The following ADGRL2 variants were observed in gnomAD, a reference collection of about 807,000 sequenced individuals.
ADGRL2 encodes the protein calcium-independent alpha-latrotoxin receptor 2.
A neutral mutation model predicts 157.4 loss-of-function variants in ADGRL2; 44 were observed. That is an observed-to-expected ratio of 0.28 (90% CI 0.22 to 0.36). The LOEUF is 0.36. Ranked by LOEUF, ADGRL2 falls within the 10% of genes least tolerant of loss-of-function variation. The probability of loss-of-function intolerance (pLI) is 1.00; values close to 1 mark genes in which losing one functional copy is unlikely to be tolerated. For synonymous variants in ADGRL2, 585 were observed against 624.7 expected, an observed-to-expected ratio of 0.94 and a Z score of 0.95; for missense variants, 1,510 against 1,768.9, an observed-to-expected ratio of 0.85 and a Z score of 2.63.
chr1:81,760,516 T>A (rs189124532), intron 1 of ADGRL2, among the ~76,000 whole-genome samples: 16 of 152,210 alleles, frequency 1.1e-4, no homozygotes, highest in Middle Eastern at 3.4e-3. Flanking sequence ...TCTCTTTTAA[T>A]AATCAAATAT....
chr1:81,725,134 G>A (rs576375133), intron 1 of ADGRL2, among the ~76,000 whole-genome samples: 149 of 151,392 alleles, frequency 9.8e-4, no homozygotes, highest in Non-Finnish European at 1.7e-3. Context: ...GAACCCGGGA[G>A]GTGGAGGTTG....
Position 81,943,005 on chromosome 1 carries a change from A to T in ADGRL2, c.446A>T (p.Asp149Val), listed in dbSNP as rs1302713884. ...VCPGTLKAIV[D>V]SPCIYEAEQK... ...CCTGGGACCTTGAAAGCAATTGTGG[A>T]CTCACCATGTATATATGAAGCTGAA... The change falls in exon 6 of 24, where the codon GAC becomes GTC. Residue 149 changes from aspartate (D) to valine (V), a missense_variant. Physicochemically the swap from Asp to Val is radical, Grantham distance 152. Around this residue, in one of 4 missense-constraint regions of ADGRL2, gnomAD observed 361 missense variants for 498.4 expected, o/e 0.72. Transcript: ENST00000686636. The surrounding 1 kb of genome is among the most constrained non-coding windows in gnomAD (Gnocchi z 5.6). 6.2e-7 allele frequency: 1 copy of T among 1,612,754 alleles called. No individual in the cohort carries two copies. The highest frequency in any genetic ancestry group is 8.5e-7 in the Non-Finnish European group (1 of 1,179,272).
intron 3 of ADGRL2, among the ~76,000 whole-genome samples, chr1:81,681,190 T>A (rs1404231747): frequency 6.6e-6 from 1 of 152,190 alleles, no homozygotes; most frequent in South Asian, 2.1e-4. Context: ...GTGAGTCTGA[T>A]GTAATTTGGT....
intron 1 of ADGRL2, among the ~76,000 whole-genome samples, chr1:81,713,653 G>A (rs536902895): frequency 6.6e-6 from 1 of 152,138 alleles, no homozygotes; most frequent in Non-Finnish European, 1.5e-5. Flanking sequence ...ATAATACTAT[G>A]CATTTGTGTT....
chr1:81,320,920 C>T (rs1660458447), intron 1 of ADGRL2, among the ~76,000 whole-genome samples: 1 of 152,216 alleles, frequency 6.6e-6, no homozygotes. Flanking sequence ...AGCTTTGAAG[C>T]CAAGCATCGA....
intron 1 of ADGRL2, among the ~76,000 whole-genome samples, chr1:81,723,537 C>A (rs977608323): frequency 5.9e-5 from 9 of 152,242 alleles, no homozygotes; most frequent in African/African-American, 2.2e-4. Flanking sequence ...GATTATTGCT[C>A]TAATTTGAGT....
chr1:81,391,837 C>G (rs2076565046), intron 1 of ADGRL2, among the ~76,000 whole-genome samples: 1 of 152,096 alleles, frequency 6.6e-6, no homozygotes, highest in African/African-American at 2.4e-5. Flanking sequence ...TCACTCTGGT[C>G]AATGGAGTTT....
chr1:81,845,350 A>G (rs1187014986), intron 2 of ADGRL2, among the ~76,000 whole-genome samples: 1 of 152,052 alleles, frequency 6.6e-6, no homozygotes, highest in African/African-American at 2.4e-5. Flanking sequence ...TTATTTCCCG[A>G]GGATAGAATT....
intron 2 of ADGRL2, among the ~76,000 whole-genome samples, chr1:81,906,256 G>T (rs1445241694): frequency 6.6e-6 from 1 of 152,066 alleles, no homozygotes; most frequent in Non-Finnish European, 1.5e-5. Context: ...TACACCTTTA[G>T]TTTTCTCTGA....
intron 2 of ADGRL2, among the ~76,000 whole-genome samples, chr1:81,849,871 C>A (rs566610011): frequency 5.3e-4 from 80 of 151,876 alleles, no homozygotes; most frequent in Non-Finnish European, 9.7e-4. Context: ...AAGATAAATA[C>A]ATACAAATAA....
chr1:81,978,421 T>C (rs1038982359), intron 17 of ADGRL2, among the ~76,000 whole-genome samples: 5 of 151,814 alleles, frequency 3.3e-5, no homozygotes, highest in Non-Finnish European at 7.4e-5. Context: ...TAAGACATTA[T>C]TAAATTTTTT....
chr1:81,765,937 C>A (rs766144475), intron 2 of ADGRL2, among the ~76,000 whole-genome samples: 6 of 152,014 alleles, frequency 3.9e-5, no homozygotes, highest in Non-Finnish European at 8.8e-5. Flanking sequence ...TGTTAATTGG[C>A]CAACAGGTTG....
chr1:81,384,547 T>G (rs2101070945), intron 1 of ADGRL2, among the ~76,000 whole-genome samples: 1 of 152,330 alleles, frequency 6.6e-6, no homozygotes, highest in Admixed American at 6.5e-5. Flanking sequence ...AAATTTATCT[T>G]TAAAAAATGA....
At chr1:81,468,768 C>T (rs773593148) in intron 2 of ADGRL2, among the ~76,000 whole-genome samples, 59 of 152,144 alleles carry the variant, frequency 3.9e-4, no homozygotes, top group Admixed American at 3.9e-4. Flanking sequence ...TTTATGCCAA[C>T]TTTTCATCAA....
At chr1:81,637,508 A>G (rs2082137396) in intron 3 of ADGRL2, among the ~76,000 whole-genome samples, 1 of 152,236 alleles carries the variant, frequency 6.6e-6, no homozygotes. Context: ...AAGCTACTAA[A>G]GAAAAGGATT....
chr1:81,885,094 T>C (rs1300003557), intron 2 of ADGRL2, among the ~76,000 whole-genome samples: 1 of 152,230 alleles, frequency 6.6e-6, no homozygotes, highest in Non-Finnish European at 1.5e-5. Context: ...TTGATTTTGT[T>C]TTATAATAGT....
intron 1 of ADGRL2, chr1:81,444,906 C>T (rs559347099): frequency 1.2e-4 from 18 of 152,246 alleles, no homozygotes; most frequent in African/African-American, 4.3e-4. Context: ...TTGGTAAATG[C>T]CTTCATCATT....
chr1:81,791,502 A>C (rs1258252748), intron 2 of ADGRL2, among the ~76,000 whole-genome samples: 2 of 152,178 alleles, frequency 1.3e-5, no homozygotes, highest in African/African-American at 4.8e-5. Context: ...ATTAATGCCA[A>C]AGGAAATCTG....
chr1:81,552,220 T>C (rs977264641), intron 2 of ADGRL2, among the ~76,000 whole-genome samples: 5 of 152,170 alleles, frequency 3.3e-5, no homozygotes, highest in Non-Finnish European at 7.3e-5. Flanking sequence ...TCAGCCTTTT[T>C]CTTCCTGCCA....
Sources: gnomAD v4.1 joint callset for allele counts (sites outside exome capture counted in the v4.1 genomes callset) on GRCh38, gnomAD v4.1.1 for gene constraint, gnomAD v4.1.1 regional missense constraint, Gnocchi (gnomAD v3.1) non-coding constraint, MANE v1.5 for transcripts, NCBI Gene and HGNC (gene_info 2026-07-23, HGNC 2026-07-21) for gene names.